The following KCNMA1 variants were observed in gnomAD, a reference collection of about 807,000 sequenced individuals.
KCNMA1 encodes potassium calcium-activated channel subfamily M alpha 1, also known as Calcium-activated potassium channel subunit alpha-1.
KCNMA1 carries 29 observed loss-of-function variants against 140.0 expected under a neutral mutation model. The observed-to-expected ratio is 0.21, with a 90% CI of 0.15 to 0.28. The LOEUF (loss-of-function observed/expected upper bound fraction) is 0.28, where lower values mean the gene tolerates loss of function less well. Among genes scored for constraint, KCNMA1 ranks in the 10% least tolerant of loss-of-function variants. The pLI is 1.00. For missense variants in KCNMA1, 880 were observed against 1,602.2 expected (o/e 0.55, Z 7.70); for synonymous variants, 612 against 611.9 (o/e 1.00, Z 0.00).
intron 18 of KCNMA1, among the ~76,000 whole-genome samples, chr10:77,004,240 C>CACAA (rs1471453934): frequency 6.6e-5 from 10 of 152,006 alleles, no homozygotes; most frequent in Non-Finnish European, 8.8e-5. Flanking sequence ...CACACACACA[C>CACAA]ACACACACAC....
In KCNMA1 at chr10:77,343,423, T is replaced by C. The variant is rs147458025; in HGVS notation, c.540+60439A>G. Among the ~76,000 whole-genome samples, 902 of 152,212 alleles carry C rather than the reference T, an allele frequency of 5.9e-3. 8 individuals are homozygous for C. Among genetic ancestry groups the C allele is most frequent in the Non-Finnish European group, 6.9e-3 (466 of 68,006 alleles). On this transcript the variant is annotated intron_variant, in intron 2 of 27. Coordinates refer to ENST00000286628, the MANE Select transcript of KCNMA1 (RefSeq NM_001161352.2). ...GGAAGTTGTGTTTGAGCCCGGGCAG[T>C]CCATCATCCTAACCATACTCCCTAC...
intron 1 of KCNMA1, among the ~76,000 whole-genome samples, chr10:77,471,368 CACT>C (rs1327229350): frequency 5.9e-5 from 9 of 151,364 alleles, no homozygotes; most frequent in Non-Finnish European, 4.4e-5. Flanking sequence ...ACACAACACA[CACT>C]ACTTACCACA....
At chr10:77,131,964 CAAAAAA>C (rs34972346) in intron 5 of KCNMA1, among the ~76,000 whole-genome samples, 1 of 92,516 alleles carries the variant, frequency 1.1e-5, no homozygotes, top group Non-Finnish European at 2.2e-5. Context: ...GACTCGGTCT[CAAAAAA>C]AAAAAAAAAA....
rs7906640 is a variant in KCNMA1 at position 77,369,866 on chromosome 10, A to G, written c.540+33996T>C. 4.1e-3 allele frequency among the ~76,000 whole-genome samples: 622 copies of G among 152,326 alleles called. 7 individuals carry two copies. Among genetic ancestry groups the G allele is most frequent in the African/African-American group, 0.014 (602 of 41,560 alleles). ...AAAAATACTTGCTTCATGGCAAGGG[A>G]ACATCTTTTGCTTTCATATCCATCT... On this transcript the variant is annotated intron_variant, in intron 2 of 27. Coordinates refer to ENST00000286628, the MANE Select transcript of KCNMA1 (RefSeq NM_001161352.2).
chr10:77,621,414 C>T (rs984521428), intron 1 of KCNMA1, among the ~76,000 whole-genome samples: 3 of 152,010 alleles, frequency 2.0e-5, no homozygotes, highest in African/African-American at 2.4e-5. Flanking sequence ...CATTCCACAC[C>T]AGGTTGCACA....
At chr10:77,560,813 C>A (rs1242484684) in intron 1 of KCNMA1, among the ~76,000 whole-genome samples, 1 of 152,216 alleles carries the variant, frequency 6.6e-6, no homozygotes, top group African/African-American at 2.4e-5. Flanking sequence ...ACATCTCATT[C>A]TCTCTTTATA....
intron 3 of KCNMA1, among the ~76,000 whole-genome samples, chr10:77,200,104 C>T (rs2041982659): frequency 6.6e-6 from 1 of 152,116 alleles, no homozygotes; most frequent in African/African-American, 2.4e-5. Context: ...GCGCCTGCCA[C>T]CATGGCTGGC....
rs1032608373 is a variant in KCNMA1, at chr10:76,998,230, T to A, written c.2266+3177A>T. ...TGTGAGCACTTTTAATATATTACCA[T>A]TCCTCTGGGAACCAGCTACTTCTCT... On this transcript the variant is annotated intron_variant, in intron 19 of 27. Coordinates refer to ENST00000286628, the MANE Select transcript of KCNMA1 (RefSeq NM_001161352.2). 5.3e-4 allele frequency among the ~76,000 whole-genome samples: 81 copies of A among 152,152 alleles called. 2 individuals are homozygous for A. Among genetic ancestry groups the A allele is most frequent in the Admixed American group, 4.3e-3 (66 of 15,276 alleles).
intron 1 of KCNMA1, among the ~76,000 whole-genome samples, chr10:77,615,441 G>T (rs1036143382): frequency 2.0e-5 from 3 of 152,156 alleles, no homozygotes; most frequent in Admixed American, 6.6e-5. Flanking sequence ...TGCAGAAGGT[G>T]GGTGGTGTAG....
chr10:76,906,808 G>A (rs1169690726), intron 25 of KCNMA1, among the ~76,000 whole-genome samples: 3 of 152,276 alleles, frequency 2.0e-5, no homozygotes, highest in Non-Finnish European at 4.4e-5. Context: ...GGTTGGGGTA[G>A]AATGCAAAGA....
intron 1 of KCNMA1, among the ~76,000 whole-genome samples, chr10:77,495,113 A>T (rs1340489948): frequency 6.6e-6 from 1 of 152,178 alleles, no homozygotes; most frequent in Non-Finnish European, 1.5e-5. Flanking sequence ...TCTGTTGGGG[A>T]GACACAATTC....
chr10:77,278,648 G>A (rs1027007202), intron 2 of KCNMA1, among the ~76,000 whole-genome samples: 15 of 152,060 alleles, frequency 9.9e-5, no homozygotes, highest in African/African-American at 3.4e-4. Context: ...TGCCATATGC[G>A]GTCACCAAAA....
intron 1 of KCNMA1, among the ~76,000 whole-genome samples, chr10:77,470,644 C>T (rs1446032116): frequency 6.6e-6 from 1 of 152,226 alleles, no homozygotes; most frequent in Non-Finnish European, 1.5e-5. Flanking sequence ...AAAGAAGGCA[C>T]TTGACCATAA....
chr10:76,899,693 AG>A (rs2044224829), intron 25 of KCNMA1, among the ~76,000 whole-genome samples: 1 of 152,174 alleles, frequency 6.6e-6, no homozygotes, highest in Admixed American at 6.5e-5. Context: ...TAACAAGGAA[AG>A]CATTGCATAC....
chr10:77,180,187 G>A (rs1350915481), intron 5 of KCNMA1, among the ~76,000 whole-genome samples: 1 of 152,194 alleles, frequency 6.6e-6, no homozygotes, highest in Admixed American at 6.5e-5. Context: ...AGAAAAGGCA[G>A]CACCCTTCCA....
chr10:76,883,721 G>GTTT (rs113872996), downstream of KCNMA1, among the ~76,000 whole-genome samples: 11,335 of 112,926 alleles, frequency 0.1, 635 homozygotes, highest in East Asian at 0.29. Context: ...TTACTTCCTT[G>GTTT]TTTTTTTTTT....
At chr10:76,993,650 C>T (rs1170261782) in intron 19 of KCNMA1, among the ~76,000 whole-genome samples, 2 of 152,208 alleles carry the variant, frequency 1.3e-5, no homozygotes, top group Non-Finnish European at 2.9e-5. Context: ...CTTCCAGCTC[C>T]CCTCTAGTCA....
At chr10:77,522,698 T>C (rs1051555377) in intron 1 of KCNMA1, among the ~76,000 whole-genome samples, 20 of 152,278 alleles carry the variant, frequency 1.3e-4, no homozygotes, top group African/African-American at 4.3e-4. Context: ...GTCTTTATCC[T>C]TGCAGGGCAG....
At chr10:77,364,264 A>G (rs150684636) in intron 2 of KCNMA1, among the ~76,000 whole-genome samples, 97 of 152,280 alleles carry the variant, frequency 6.4e-4, no homozygotes, top group Non-Finnish European at 1.2e-3. Flanking sequence ...CAGCCTGGCC[A>G]ACATAGCAAA....
Sources: gnomAD v4.1 joint callset for allele counts (sites outside exome capture counted in the v4.1 genomes callset) on GRCh38, gnomAD v4.1.1 for gene constraint, MANE v1.5 for transcripts, NCBI Gene and HGNC (gene_info 2026-07-23, HGNC 2026-07-21) for gene names.